PKD1L1: variants seen among roughly 807,000 people sequenced by gnomAD.
The protein encoded by PKD1L1 is polycystin 1 like 1, transient receptor potential channel interacting.
PKD1L1 carries 236 observed loss-of-function variants against 323.4 expected under a neutral mutation model. That is an observed-to-expected ratio of 0.73 (90% CI 0.66 to 0.81). The LOEUF (loss-of-function observed/expected upper bound fraction) is 0.81, where lower values mean the gene tolerates loss of function less well. Among genes scored for constraint, PKD1L1 ranks in the 40% least tolerant of loss-of-function variants. PKD1L1 has a pLI of 0.00. For missense variants in PKD1L1, 3,320 were observed against 3,508.0 expected (o/e 0.95, Z 1.35); for synonymous variants, 1,344 against 1,335.0 (o/e 1.01, Z -0.15).
chr7:47,948,453 C>T lies in PKD1L1; in HGVS notation c.-13G>A. The T allele has an allele frequency of 6.2e-7, 1 of 1,614,022 alleles. No homozygotes were observed. The highest frequency in any genetic ancestry group is 8.5e-7 in the Non-Finnish European group (1 of 1,179,986). On this transcript the variant is annotated 5_prime_UTR_variant, in exon 1 of 57. Coordinates refer to ENST00000289672, the MANE Select transcript of PKD1L1 (RefSeq NM_138295.5). The stretch of plus-strand genomic sequence containing the variant: ...CCTCCTCGGCCATGTCCTGTGCAAG[C>T]TGGTCACAAGTATGACAGTCAGCAG...
At chr7:47,941,872 C>T (rs577091540) in intron 2 of PKD1L1, among the ~76,000 whole-genome samples, 1 of 152,192 alleles carries the variant, frequency 6.6e-6, no homozygotes, top group South Asian at 2.1e-4. Flanking sequence ...CATAAAATTG[C>T]AAAATTGAAT....
chr7:47,814,870 T>A (rs963955915), intron 47 of PKD1L1, among the ~76,000 whole-genome samples: 1 of 152,234 alleles, frequency 6.6e-6, no homozygotes, highest in African/African-American at 2.4e-5. Flanking sequence ...AGGAATGGGA[T>A]TATGCAAAAT....
intron 45 of PKD1L1, among the ~76,000 whole-genome samples, chr7:47,824,993 A>G (rs1012566198): frequency 5.9e-5 from 9 of 152,318 alleles, no homozygotes; most frequent in Middle Eastern, 6.8e-3. Flanking sequence ...AAATGAATCT[A>G]TCATTGTGTA....
chr7:47,788,839 C>T (rs944147367), intron 56 of PKD1L1, among the ~76,000 whole-genome samples: 4 of 151,830 alleles, frequency 2.6e-5, no homozygotes, highest in South Asian at 2.1e-4. Context: ...CCTCATGATC[C>T]GCCCACCTTG....
rs746837547 is a variant in PKD1L1 at position 47,876,210 on chromosome 7, T to A, written c.3671A>T (p.His1224Leu). The A allele has an allele frequency of 3.8e-5, 61 of 1,613,884 alleles. No homozygotes were observed. The highest frequency in any genetic ancestry group is 4.6e-5 in the Non-Finnish European group (54 of 1,179,908). ...VFCMSGKPDF[H>L]YEFSYQIGNT... The stretch of plus-strand genomic sequence containing the variant: ...TCCTATCTGGTAACTAAATTCATAA[T>A]GGAAGTCCTATGATCCAGTCCAAGG... The change falls in exon 23 of 57, where the codon CAT (histidine) becomes CTT (leucine). Residue 1224 changes from histidine (H) to leucine (L), a missense_variant. His to Leu is a moderately conservative substitution (Grantham distance 99). Coordinates refer to ENST00000289672, the MANE Select transcript of PKD1L1 (RefSeq NM_138295.5).
At chr7:47,823,163 ATCTC>A (rs1187519949) in intron 45 of PKD1L1, among the ~76,000 whole-genome samples, 2 of 152,164 alleles carry the variant, frequency 1.3e-5, no homozygotes, top group African/African-American at 4.8e-5. Flanking sequence ...AACATTCGAT[ATCTC>A]TCTATTAAGT....
intron 28 of PKD1L1, among the ~76,000 whole-genome samples, chr7:47,857,256 A>C (rs931012757): frequency 6.6e-6 from 1 of 152,216 alleles, no homozygotes; most frequent in African/African-American, 2.4e-5. Flanking sequence ...TTCTAAAGAC[A>C]CGATTGGCCA....
intron 9 of PKD1L1, 40 bp downstream of exon 9, chr7:47,908,037 G>A (rs759258486): frequency 6.3e-7 from 1 of 1,593,760 alleles, no homozygotes; most frequent in South Asian, 1.1e-5. Flanking sequence ...TTCATTTATA[G>A]TTGAAGTGTG....
At chr7:47,797,165 A>G (rs957735758) in intron 54 of PKD1L1, among the ~76,000 whole-genome samples, 3 of 152,130 alleles carry the variant, frequency 2.0e-5, no homozygotes, top group Non-Finnish European at 2.9e-5. Context: ...CCTCCCCTCC[A>G]TGCTGCTAAG....
At chr7:47,822,065 T>C (rs1458077936) in intron 45 of PKD1L1, among the ~76,000 whole-genome samples, 1 of 152,228 alleles carries the variant, frequency 6.6e-6, no homozygotes, top group African/African-American at 2.4e-5. Flanking sequence ...CAGTTGAGCA[T>C]ATTTGGGTAA....
chr7:47,798,481 C>T (rs987427830), intron 54 of PKD1L1, among the ~76,000 whole-genome samples: 10 of 152,106 alleles, frequency 6.6e-5, no homozygotes, highest in Admixed American at 6.6e-5. Flanking sequence ...AGAAAGGCCA[C>T]GTGCAGTGGC....
At chr7:47,952,549 A>G (rs758761095), upstream of PKD1L1, among the ~76,000 whole-genome samples, 39 of 152,126 alleles carry the variant, frequency 2.6e-4, no homozygotes, top group Non-Finnish European at 5.0e-4. Context: ...TGCCCAGAAG[A>G]GCTCTGGGGC....
At chr7:47,843,275 G>A in intron 33 of PKD1L1, 106 bp from the exon 34 acceptor site, 2 of 824,586 alleles carry the variant, frequency 2.4e-6, no homozygotes, top group Non-Finnish European at 3.7e-6. Context: ...TCCCTGCTGG[G>A]CTTCACTGAT....
intron 26 of PKD1L1, 129 bp from the exon 27 acceptor site, chr7:47,859,014 T>C (rs1180015873): frequency 2.5e-6 from 3 of 1,199,646 alleles, no homozygotes; most frequent in Non-Finnish European, 2.3e-6. Flanking sequence ...ATAAAGTGCC[T>C]CATGGCATAT....
intron 56 of PKD1L1, among the ~76,000 whole-genome samples, chr7:47,787,288 C>A (rs1436729487): frequency 6.6e-6 from 1 of 152,128 alleles, no homozygotes; most frequent in Non-Finnish European, 1.5e-5. Flanking sequence ...TGAGAGAGAC[C>A]CACCCTTGGC....
chr7:47,905,488 C>T lies in PKD1L1; in HGVS notation c.1523-163G>A, dbSNP rs577586541. On this transcript the variant is annotated intron_variant, in intron 10 of 56. Transcript: ENST00000289672. ...CAGCAAGGATGCAGCTGTGGGCACGCGGTAGGCAGTGCTGGCCCTGGTTCA... is the reference window on the plus strand; with the variant it reads ...CAGCAAGGATGCAGCTGTGGGCACGTGGTAGGCAGTGCTGGCCCTGGTTCA... Among the ~76,000 whole-genome samples the T allele has an allele frequency of 8.5e-5, 13 of 152,288 alleles. No homozygotes were observed. The East Asian group carries it at 1.2e-3, about 14-fold the overall frequency.
In PKD1L1 at chr7:47,908,068, AC is replaced by A; in HGVS notation, c.1402+8del. 6.2e-7 allele frequency: 1 copy of A among 1,612,560 alleles called. No homozygotes were observed. Among genetic ancestry groups the A allele is most frequent in the South Asian group, 1.1e-5 (1 of 90,816 alleles). On this transcript the variant is annotated splice_region_variant and intron_variant, in intron 9 of 56. Transcript: ENST00000289672. The stretch of plus-strand genomic sequence containing the variant: ...GTGTGCTTGCTCAGACTCCAGACAT[AC>A]GTCTTACTTTTCTGATTCACTTGGG...
chr7:47,851,838 A>C (rs1304474938), intron 31 of PKD1L1, among the ~76,000 whole-genome samples: 3 of 152,208 alleles, frequency 2.0e-5, no homozygotes, highest in Non-Finnish European at 4.4e-5. Context: ...AGTCTGAAAA[A>C]AAGGCAAAAA....
chr7:47,865,256 G>C lies in PKD1L1; in HGVS notation c.4109C>G (p.Ser1370Cys), dbSNP rs1786137519. 1.2e-6 allele frequency: 2 copies of C among 1,613,228 alleles called. No individual in the cohort carries two copies. The highest frequency in any genetic ancestry group is 1.1e-5 in the South Asian group (1 of 90,970). The change falls in exon 26 of 57, where the codon TCT (serine) becomes TGT (cysteine). Residue 1370 changes from serine (S) to cysteine (C), a missense_variant. Transcript: ENST00000289672. ...CACGAGGTCCCTCAACATAAGAACA[G>C]AACCAATCATTTCTTCCTGACCAGA... Reference protein sequence around the residue: ...AFVDQEEMIGSVLMLRDLVSF... With the variant: ...AFVDQEEMIGCVLMLRDLVSF...
Sources: gnomAD v4.1 joint callset for allele counts (sites outside exome capture counted in the v4.1 genomes callset) on GRCh38, gnomAD v4.1.1 for gene constraint, MANE v1.5 for transcripts, NCBI Gene and HGNC (gene_info 2026-07-23, HGNC 2026-07-21) for gene names.